Variants in ENTREP2 observed in about 807,000 individuals in gnomAD.
The protein encoded by ENTREP2 is endosomal transmembrane epsin interactor 2.
chr15:29,517,883 A>G, the ENTREP2 span, among the ~76,000 whole-genome samples: 1 of 152,230 alleles, frequency 6.6e-6, no homozygotes, highest in Non-Finnish European at 1.5e-5. Context: ...AATAATTACC[A>G]TAATCAAGCT....
At chr15:29,411,579 A>G in the ENTREP2 span, among the ~76,000 whole-genome samples, 1 of 152,232 alleles carries the variant, frequency 6.6e-6, no homozygotes, top group African/African-American at 2.4e-5. Flanking sequence ...ACATGAAATC[A>G]TAATCAGTTA....
the ENTREP2 span, among the ~76,000 whole-genome samples, chr15:29,618,440 A>T: frequency 6.6e-6 from 1 of 151,476 alleles, no homozygotes; most frequent in Admixed American, 6.6e-5. Flanking sequence ...AAAAAAAAAA[A>T]TGTTTTCACA....
At chr15:29,361,192 TCTC>T in the ENTREP2 span, among the ~76,000 whole-genome samples, 2 of 152,136 alleles carry the variant, frequency 1.3e-5, no homozygotes, top group South Asian at 2.1e-4. Flanking sequence ...GAATCAGTCT[TCTC>T]CTACTTCAAC....
At chr15:29,394,877 A>G in the ENTREP2 span, among the ~76,000 whole-genome samples, 1 of 81,354 alleles carries the variant, frequency 1.2e-5, no homozygotes, top group South Asian at 4.1e-4. Context: ...CATGTGTCAG[A>G]ATCTCTTTTT....
At chr15:29,434,402 A>C in the ENTREP2 span, among the ~76,000 whole-genome samples, 1 of 152,208 alleles carries the variant, frequency 6.6e-6, no homozygotes, top group Non-Finnish European at 1.5e-5. Flanking sequence ...CTATGTGATT[A>C]CTGGATGTTT....
At chr15:29,139,278 T>G in the ENTREP2 span, among the ~76,000 whole-genome samples, 4 of 152,164 alleles carry the variant, frequency 2.6e-5, no homozygotes, top group Admixed American at 1.3e-4. Flanking sequence ...CGGAGCACAC[T>G]CCTCGCCTCT....
the ENTREP2 span, among the ~76,000 whole-genome samples, chr15:29,590,711 G>GA: frequency 7.6e-5 from 10 of 132,042 alleles, no homozygotes; most frequent in South Asian, 2.5e-4. Context: ...AAAAGAAAAA[G>GA]AAAAAAAAAT....
the ENTREP2 span, among the ~76,000 whole-genome samples, chr15:29,259,825 T>C: frequency 6.6e-6 from 1 of 151,802 alleles, no homozygotes; most frequent in African/African-American, 2.4e-5. Flanking sequence ...TATATATATA[T>C]GAAGAAAAAA....
chr15:29,475,909 G>A, the ENTREP2 span, among the ~76,000 whole-genome samples: 1 of 152,192 alleles, frequency 6.6e-6, no homozygotes, highest in South Asian at 2.1e-4. Context: ...CCCTGCCCAA[G>A]TGGTTGGCAT....
the ENTREP2 span, among the ~76,000 whole-genome samples, chr15:29,559,168 C>CA: frequency 2.0e-5 from 3 of 151,852 alleles, no homozygotes; most frequent in East Asian, 3.9e-4. Context: ...TCGCGTCTGG[C>CA]AAAAAAAGTA....
the ENTREP2 span, among the ~76,000 whole-genome samples, chr15:29,482,704 GT>G: frequency 6.6e-6 from 1 of 152,136 alleles, no homozygotes; most frequent in African/African-American, 2.4e-5. Flanking sequence ...GTATTCCACT[GT>G]TTGGATATCT....
chr15:29,351,199 C>T, the ENTREP2 span, among the ~76,000 whole-genome samples: 4 of 152,148 alleles, frequency 2.6e-5, no homozygotes, highest in African/African-American at 9.7e-5. Flanking sequence ...CAAACCTGCA[C>T]AGCATGTACT....
the ENTREP2 span, among the ~76,000 whole-genome samples, chr15:29,670,788 C>A: frequency 6.6e-6 from 1 of 152,172 alleles, no homozygotes; most frequent in Non-Finnish European, 1.5e-5. Flanking sequence ...CTGGGGAAGG[C>A]TAAGATGTGA....
the ENTREP2 span, among the ~76,000 whole-genome samples, chr15:29,657,483 C>CGGGGCGGGGGGGG: frequency 5.8e-5 from 4 of 69,430 alleles, no homozygotes; most frequent in African/African-American, 2.4e-4. Flanking sequence ...GCTGGGGGGG[C>CGGGGCGGGGGGGG]GGGGGGGGGG....
the ENTREP2 span, among the ~76,000 whole-genome samples, chr15:29,214,267 T>C: frequency 6.6e-6 from 1 of 152,132 alleles, no homozygotes; most frequent in South Asian, 2.1e-4. Context: ...CTATTCACAA[T>C]AGCAAAGGCT....
chr15:29,118,700 C>CGT, the ENTREP2 span, among the ~76,000 whole-genome samples: 4,805 of 152,270 alleles, frequency 0.032, 265 homozygotes, highest in African/African-American at 0.11. Flanking sequence ...GGTGTGCATG[C>CGT]GTGTGCGTGT....
chr15:29,449,595 A>G, the ENTREP2 span, among the ~76,000 whole-genome samples: 5 of 152,246 alleles, frequency 3.3e-5, no homozygotes, highest in East Asian at 9.6e-4. Flanking sequence ...AACCACTCTG[A>G]AGCACAGAAG....
At chr15:29,617,970 C>T in the ENTREP2 span, among the ~76,000 whole-genome samples, 1 of 152,192 alleles carries the variant, frequency 6.6e-6, no homozygotes, top group East Asian at 1.9e-4. Flanking sequence ...GACTCTCTAA[C>T]TAGCTGGTTA....
the ENTREP2 span, among the ~76,000 whole-genome samples, chr15:29,482,005 C>T: frequency 6.6e-6 from 1 of 151,650 alleles, no homozygotes; most frequent in Non-Finnish European, 1.5e-5. Flanking sequence ...TTCTTTCTTT[C>T]TTTTTTTCTG....
Sources: gnomAD v4.1 joint callset for allele counts (sites outside exome capture counted in the v4.1 genomes callset) on GRCh38, gnomAD v4.1.1 for gene constraint, MANE v1.5 for transcripts, NCBI Gene and HGNC (gene_info 2026-07-23, HGNC 2026-07-21) for gene names.